The following CD109 variants were observed in gnomAD, a reference collection of about 807,000 sequenced individuals.
CD109 encodes the protein CD109 molecule.
In CD109, 149 loss-of-function variants were observed where a neutral mutation model predicts 165.8. The observed-to-expected ratio is 0.90, with a 90% CI of 0.79 to 1.03. The LOEUF is 1.03. Ranked by LOEUF, CD109 falls within the 50% of genes least tolerant of loss-of-function variation. The pLI, the probability that CD109 is intolerant of heterozygous loss-of-function variation, is 0.00. For missense variants in CD109, 1,712 were observed against 1,677.8 expected, an observed-to-expected ratio of 1.02 and a Z score of -0.36; for synonymous variants, 585 against 592.1, an observed-to-expected ratio of 0.99 and a Z score of 0.18.
intron 22 of CD109, among the ~76,000 whole-genome samples, chr6:73,789,459 ATT>A (rs146968538): frequency 1.8e-4 from 26 of 147,762 alleles, no homozygotes; most frequent in African/African-American, 3.2e-4. Flanking sequence ...CTGTCTGAGC[ATT>A]TTTTTTTTTT....
chr6:73,795,345 A>G (rs1178009233), intron 23 of CD109, among the ~76,000 whole-genome samples: 1 of 151,976 alleles, frequency 6.6e-6, no homozygotes, highest in Non-Finnish European at 1.5e-5. Context: ...ACATGTAAGC[A>G]GTGAAAACTC....
intron 5 of CD109, among the ~76,000 whole-genome samples, chr6:73,752,153 A>G (rs993021254): frequency 2.0e-5 from 3 of 152,178 alleles, no homozygotes; most frequent in African/African-American, 4.8e-5. Context: ...AAATAATCCA[A>G]CCAGCACCTT....
intron 7 of CD109, among the ~76,000 whole-genome samples, chr6:73,760,939 C>T (rs1345175683): frequency 6.6e-6 from 1 of 151,152 alleles, no homozygotes; most frequent in Non-Finnish European, 1.5e-5. Flanking sequence ...CTCTTGAACC[C>T]CTGAGGTGGA....
At chr6:73,715,029 C>T (rs888650024) in intron 2 of CD109, among the ~76,000 whole-genome samples, 5 of 152,162 alleles carry the variant, frequency 3.3e-5, no homozygotes, top group Non-Finnish European at 4.4e-5. Context: ...GAGGCTGAGG[C>T]GGGCAGATCA....
chr6:73,731,882 G>A (rs1444174389), intron 4 of CD109, among the ~76,000 whole-genome samples: 13 of 152,168 alleles, frequency 8.5e-5, no homozygotes, highest in Admixed American at 8.5e-4. Flanking sequence ...CTCACTAAAC[G>A]TTAGCCATTA....
intron 4 of CD109, among the ~76,000 whole-genome samples, chr6:73,734,482 G>A (rs6939027): frequency 0.013 from 2,004 of 152,162 alleles, 42 homozygotes; most frequent in African/African-American, 0.045. Flanking sequence ...ATATTTATTG[G>A]CTATTTGTAT....
chr6:73,720,277 T>C (rs766375964), intron 2 of CD109, among the ~76,000 whole-genome samples: 20 of 151,984 alleles, frequency 1.3e-4, no homozygotes, highest in Non-Finnish European at 2.5e-4. Context: ...AAAACAAATA[T>C]TGCATGATCT....
intron 2 of CD109, among the ~76,000 whole-genome samples, chr6:73,713,218 A>G (rs745961867): frequency 2.0e-5 from 3 of 152,154 alleles, no homozygotes; most frequent in Non-Finnish European, 4.4e-5. Context: ...GTAAATTTAA[A>G]GGGAAGATCA....
intron 29 of CD109, among the ~76,000 whole-genome samples, chr6:73,812,979 G>T (rs1275232373): frequency 6.6e-6 from 1 of 152,054 alleles, no homozygotes; most frequent in African/African-American, 2.4e-5. Context: ...GGCTATTATG[G>T]AGAAAAAGTA....
chr6:73,788,777 T>G (rs1379255545), intron 22 of CD109, among the ~76,000 whole-genome samples, 165 bp downstream of exon 22: 1 of 152,252 alleles, frequency 6.6e-6, no homozygotes, highest in Non-Finnish European at 1.5e-5. Flanking sequence ...TAGCAAATTA[T>G]GTATCCTAAA....
At chr6:73,782,370 A>G (rs187446931) in intron 17 of CD109, among the ~76,000 whole-genome samples, 34 of 152,224 alleles carry the variant, frequency 2.2e-4, no homozygotes, top group African/African-American at 7.2e-4. Context: ...TCTTTTTTAC[A>G]TATTGAATCC....
intron 7 of CD109, among the ~76,000 whole-genome samples, chr6:73,762,180 C>G (rs190304780): frequency 6.6e-6 from 1 of 152,172 alleles, no homozygotes; most frequent in Admixed American, 6.5e-5. Flanking sequence ...CCAGGCTGGT[C>G]TTGCACTCCT....
chr6:73,743,052 A>T (rs1772851479), intron 5 of CD109, among the ~76,000 whole-genome samples: 1 of 152,122 alleles, frequency 6.6e-6, no homozygotes, highest in African/African-American at 2.4e-5. Context: ...AGGCCATCTG[A>T]TTTATTCTTT....
chr6:73,701,004 T>C (rs891537951), intron 2 of CD109, among the ~76,000 whole-genome samples: 1 of 151,766 alleles, frequency 6.6e-6, no homozygotes, highest in Non-Finnish European at 1.5e-5. Flanking sequence ...GGTTTCACTG[T>C]GTTAGCCAGG....
chr6:73,758,085 C>A (rs1247410286), intron 6 of CD109, among the ~76,000 whole-genome samples: 2 of 151,824 alleles, frequency 1.3e-5, no homozygotes, highest in African/African-American at 4.8e-5. Flanking sequence ...ACTCACGTGA[C>A]TTTTTGGTCT....
intron 1 of CD109, among the ~76,000 whole-genome samples, chr6:73,697,076 A>C (rs1385231014): frequency 2.6e-5 from 4 of 152,240 alleles, no homozygotes; most frequent in Admixed American, 1.3e-4. Context: ...TTGCTTTGCC[A>C]ATAACTCCAT....
chr6:73,707,962 T>A (rs1375100626), intron 2 of CD109, among the ~76,000 whole-genome samples: 8 of 126,792 alleles, frequency 6.3e-5, no homozygotes, highest in African/African-American at 1.3e-4. Flanking sequence ...ATTGTTATCT[T>A]TATATATATA....
chr6:73,716,155 A>G (rs1476957484), intron 2 of CD109, among the ~76,000 whole-genome samples: 1 of 152,208 alleles, frequency 6.6e-6, no homozygotes, highest in African/African-American at 2.4e-5. Flanking sequence ...TACATGTACC[A>G]CATTTTCTTT....
rs964788422 is a variant in CD109 at position 73,762,789 on chromosome 6, G to A, written c.904G>A (p.Val302Ile). 2 of 1,609,570 alleles carry A rather than the reference G, an allele frequency of 1.2e-6. No individual in the cohort carries two copies. The highest frequency in any genetic ancestry group is 2.2e-5 in the South Asian group (2 of 90,828). The change falls in exon 9 of 33, where the codon GTA becomes ATA. Residue 302 changes from valine (V) to isoleucine (I), a missense_variant. Coordinates refer to ENST00000287097, the MANE Select transcript of CD109 (RefSeq NM_133493.5). ...TTTTAATGATGAAGAGATGAAAAAT[G>A]TAATGGATTCTTCAAATGGACTTTC... ...FSFNDEEMKN[V>I]MDSSNGLSEY...
Sources: gnomAD v4.1 joint callset for allele counts (sites outside exome capture counted in the v4.1 genomes callset) on GRCh38, gnomAD v4.1.1 for gene constraint, MANE v1.5 for transcripts, NCBI Gene and HGNC (gene_info 2026-07-23, HGNC 2026-07-21) for gene names.